The following KCNK17 variants were observed in gnomAD, a reference collection of about 807,000 sequenced individuals.
KCNK17 encodes potassium two pore domain channel subfamily K member 17.
In KCNK17, 27 loss-of-function variants were observed where a neutral mutation model predicts 24.6. The observed-to-expected ratio is 1.10, with a 90% CI of 0.81 to 1.51. KCNK17 has a LOEUF of 1.51. Ranked by LOEUF, KCNK17 falls within the 40% of genes most tolerant of loss-of-function variation. The pLI is 0.00. For missense variants in KCNK17, 450 were observed against 436.6 expected (o/e 1.03, Z -0.27); for synonymous variants, 181 against 189.8 (o/e 0.95, Z 0.38).
chr6:39,301,647 A>C (rs1761952808), intron 4 of KCNK17, among the ~76,000 whole-genome samples: 1 of 152,236 alleles, frequency 6.6e-6, no homozygotes, highest in African/African-American at 2.4e-5. Flanking sequence ...AGCTGAAATC[A>C]TAAGTGGCAG....
intron 3 of KCNK17, 144 bp downstream of exon 3, chr6:39,304,351 C>G: frequency 1.2e-6 from 1 of 832,316 alleles, no homozygotes. Context: ...ACTAAGGACC[C>G]TATTCTGAGC....
chr6:39,310,343 G>A (rs1342315079), intron 2 of KCNK17, among the ~76,000 whole-genome samples: 2 of 152,138 alleles, frequency 1.3e-5, no homozygotes, highest in African/African-American at 4.8e-5. Context: ...GAGGAGTGGA[G>A]GGGGCTGTTT....
At chr6:39,309,465 G>A (rs1211608316) in intron 2 of KCNK17, among the ~76,000 whole-genome samples, 4 of 152,208 alleles carry the variant, frequency 2.6e-5, no homozygotes, top group Non-Finnish European at 5.9e-5. Context: ...TGTGTGTGTG[G>A]GGTGGGGCAG....
In KCNK17 at chr6:39,303,984, T is replaced by G. The variant is rs1583765936; in HGVS notation, c.661A>C (p.Thr221Pro). The G allele has an allele frequency of 6.2e-7, 1 of 1,613,240 alleles. No individual in the cohort carries two copies. The highest frequency in any genetic ancestry group is 1.1e-5 in the South Asian group (1 of 91,068). The change falls in exon 4 of 5, where the codon ACC (threonine) becomes CCC (proline). Residue 221 changes from threonine (T) to proline (P), a missense_variant. Physicochemically the swap from Thr to Pro is conservative, Grantham distance 38. Transcript: ENST00000373231. ...ATCACGTAGTCGCCGAAGCCCACGG[T>G]GCTGAGGGTGATGAAGGCGAAGTAG... ...GFYFAFITLS[T>P]VGFGDYVIGM...
intron 2 of KCNK17, among the ~76,000 whole-genome samples, chr6:39,309,854 G>A (rs566578575): frequency 1.3e-5 from 2 of 152,324 alleles, no homozygotes; most frequent in East Asian, 1.9e-4. Context: ...GGCCCATCCT[G>A]CCAGTCCTTC....
rs928193318 is a variant in KCNK17, at chr6:39,311,117, CACAA to C, written c.238-114_238-111del. The C allele has an allele frequency of 1.8e-4, 95 of 534,934 alleles. 1 individual carries two copies. Among genetic ancestry groups the C allele is most frequent in the African/African-American group, 1.1e-3 (42 of 37,122 alleles). 33.1% of individuals were successfully genotyped at this position (534,934 alleles called of 1,614,324 possible). ...ACACACACACACACACACACACACA[CACAA>C]ACAAACCTACACACACAGCCCTCAC... On this transcript the variant is annotated intron_variant, in intron 1 of 4. Transcript: ENST00000373231.
Position 39,299,453 on chromosome 6 carries a change from C to A in KCNK17, c.973G>T (p.Ala325Ser). ...IIQHLEPSAH[A>S]AGCGKDS ...TAGCTGTCCTTGCCACAGCCTGCAG[C>A]GTGAGCAGAAGGTTCCAGATGCTGT... Residue 325 changes from alanine to serine, a missense_variant, in exon 5 of 5, where the codon GCT (alanine) becomes TCT (serine). Transcript: ENST00000373231. 1.2e-6 allele frequency: 2 copies of A among 1,613,770 alleles called. No individual in the cohort carries two copies. Among genetic ancestry groups the A allele is most frequent in the South Asian group, 1.1e-5 (1 of 91,054 alleles).
rs374944036 is a variant in KCNK17, at chr6:39,299,477, G to A, written c.949C>T (p.Gln317Ter). ...CYPEGPMGII[Q>*]HLEPSAHAAG... ...GCGTGAGCAGAAGGTTCCAGATGCT[G>A]TATGATTCCCATGGGTCCCTCTGGA... The change falls in exon 5 of 5, where the codon CAG becomes TAG. Residue 317 changes from glutamine (Q) to a stop codon, truncating the protein, a stop_gained. Coordinates refer to ENST00000373231, the MANE Select transcript of KCNK17 (RefSeq NM_031460.4). LOFTEE classifies it low-confidence loss of function (END_TRUNC). 8.7e-6 allele frequency: 14 copies of A among 1,614,104 alleles called. No individual in the cohort carries two copies. The Admixed American group carries it at 2.2e-4, about 25-fold the overall frequency.
chr6:39,299,396 C>T lies in KCNK17; in HGVS notation c.*31G>A, dbSNP rs1761908172. 1 of 1,559,268 alleles carries T rather than the reference C, an allele frequency of 6.4e-7. No individual in the cohort carries two copies. The highest frequency in any genetic ancestry group is 8.8e-7 in the Non-Finnish European group (1 of 1,139,460). ...AAGCTTAAAATCAGGGGTCTTGCTA[C>T]CGAGGACGACGACCAAAGAATGGAG... On this transcript the variant is annotated 3_prime_UTR_variant, in exon 5 of 5. Transcript: ENST00000373231.
At chr6:39,304,390 C>A in intron 3 of KCNK17, 105 bp downstream of exon 3, 1 of 1,067,146 alleles carries the variant, frequency 9.4e-7, no homozygotes. Context: ...CACAACCTCA[C>A]CAGTAACACT....
Position 39,299,200 on chromosome 6 carries a change from A to G in KCNK17, c.*227T>C. ...CATATCGGCGGCATTGCAGCCCGCT[A>G]AAGTAAGGAAGTGGGGGAGAAGGGC... On this transcript the variant is annotated 3_prime_UTR_variant, in exon 5 of 5. Transcript: ENST00000373231. 1.9e-6 allele frequency: 1 copy of G among 527,708 alleles called. No homozygotes were observed. Among genetic ancestry groups the G allele is most frequent in the Non-Finnish European group, 3.4e-6 (1 of 297,148 alleles). 32.7% of individuals were successfully genotyped at this position (527,708 alleles called of 1,614,324 possible). A position where few individuals can be genotyped will look rare whatever the true frequency, so the allele number is the denominator to read the frequency against.
intron 1 of KCNK17, among the ~76,000 whole-genome samples, chr6:39,312,701 G>A (rs1241492044): frequency 6.6e-6 from 1 of 152,216 alleles, no homozygotes; most frequent in Non-Finnish European, 1.5e-5. Flanking sequence ...GTGCTGCACA[G>A]AGGCATTTAC....
In KCNK17 at chr6:39,304,063, C is replaced by G. The variant is rs1343269014; in HGVS notation, c.582G>C (p.Leu194=). The change falls in exon 4 of 5, where the codon CTG becomes CTC. Residue 194 remains leucine (L), a synonymous_variant. Transcript: ENST00000373231. ...ALLSGLLLFL[L]LPPLLFSHME... ...TGTGGGAGAAGAGCAGCGGTGGCAGCAGCAGGAAGAGCAGGAGGCCCGAGA... is the reference window on the plus strand; with the variant it reads ...TGTGGGAGAAGAGCAGCGGTGGCAGGAGCAGGAAGAGCAGGAGGCCCGAGA... The G allele has an allele frequency of 1.9e-6, 3 of 1,613,482 alleles. No individual in the cohort carries two copies. The South Asian group carries it at 3.3e-5, about 18-fold the overall frequency.
Position 39,304,613 on chromosome 6 carries a change from A to G in KCNK17, c.395T>C (p.Phe132Ser), listed in dbSNP as rs1413662234. Residue 132 changes from phenylalanine to serine, a missense_variant, in exon 3 of 5, where the codon TTC becomes TCC. Phe to Ser is a radical substitution (Grantham distance 155). Transcript: ENST00000373231. ...LSPNTMAARL[F>S]CIFFALVGIP... ...CCCCACAAGGGCAAAGAAGATGCAGAAGAGGCGGGCAGCCATCGTGTTGGG... is the reference window on the plus strand; with the variant it reads ...CCCCACAAGGGCAAAGAAGATGCAGGAGAGGCGGGCAGCCATCGTGTTGGG... 1 of 1,613,786 alleles carries G rather than the reference A, an allele frequency of 6.2e-7. No homozygotes were observed. The highest frequency in any genetic ancestry group is 8.5e-7 in the Non-Finnish European group (1 of 1,179,820).
rs1761930447 is a variant in KCNK17 at position 39,300,319 on chromosome 6, C to T, written c.689-582G>A. On this transcript the variant is annotated intron_variant, in intron 4 of 4. Transcript: ENST00000373231. ...TTGTATTTTAGTAGAGACGGGGTTT[C>T]ACCATTGTTGCCCAGGCTGGTCTTG... 4.3e-6 allele frequency: 3 copies of T among 694,584 alleles called. No homozygotes were observed. In the Admixed American group the frequency reaches 6.3e-5, roughly 15 times the overall value. The allele number at this position is 694,584 out of a possible 1,614,324, so 43.0% of individuals were successfully genotyped here. A position where few individuals can be genotyped will look rare whatever the true frequency, so the allele number is the denominator to read the frequency against.
chr6:39,304,892 T>C lies in KCNK17; in HGVS notation c.353-237A>G, dbSNP rs543963836. On this transcript the variant is annotated intron_variant, in intron 2 of 4. Coordinates refer to ENST00000373231, the MANE Select transcript of KCNK17 (RefSeq NM_031460.4). Reference sequence around the variant, plus strand: ...CCTTCCAAATCAGAATTATGTGCCATATTTTACAGGCTGGAGAAGCTCTAG... The same window carrying C: ...CCTTCCAAATCAGAATTATGTGCCACATTTTACAGGCTGGAGAAGCTCTAG... Among the ~76,000 whole-genome samples, 33 of 152,352 alleles carry C rather than the reference T, an allele frequency of 2.2e-4. No homozygotes were observed. In the South Asian group the frequency reaches 6.8e-3, roughly 32 times the overall value.
intron 4 of KCNK17, 140 bp from the exon 5 acceptor site, chr6:39,299,877 C>T: frequency 1.2e-6 from 1 of 844,366 alleles, no homozygotes; most frequent in Admixed American, 2.7e-5. Flanking sequence ...CTCCTAGCCT[C>T]ATGGTCACCT....
chr6:39,307,067 G>C (rs1009051761), intron 2 of KCNK17, among the ~76,000 whole-genome samples: 4 of 151,916 alleles, frequency 2.6e-5, no homozygotes, highest in Admixed American at 2.0e-4. Context: ...CAGCTTGCTT[G>C]CTTCCTTCCT....
Sources: allele counts gnomAD v4.1 joint callset (sites outside exome capture counted in the v4.1 genomes callset), GRCh38; gene constraint gnomAD v4.1.1; transcripts MANE v1.5; gene names NCBI Gene and HGNC (gene_info 2026-07-23, HGNC 2026-07-21).